Variants in SOBP observed in about 807,000 individuals in gnomAD.
SOBP encodes the protein sine oculis binding protein homolog.
SOBP carries 4 observed loss-of-function variants against 53.6 expected under a neutral mutation model. The ratio of observed to expected loss-of-function variants is 0.07; its 90% CI spans 0.04 to 0.17. SOBP has a LOEUF of 0.17. Ranked by LOEUF, SOBP falls within the 10% of genes least tolerant of loss-of-function variation. The pLI, the probability that SOBP is intolerant of heterozygous loss-of-function variation, is 1.00. For synonymous variants in SOBP, 584 were observed against 522.6 expected, an observed-to-expected ratio of 1.12 and a Z score of -1.60; for missense variants, 1,088 against 1,204.7, an observed-to-expected ratio of 0.90 and a Z score of 1.43.
chr6:107,556,383 C>T (rs1161863408), intron 4 of SOBP, among the ~76,000 whole-genome samples: 1 of 152,180 alleles, frequency 6.6e-6, no homozygotes, highest in Non-Finnish European at 1.5e-5. Flanking sequence ...TTCTGTTATA[C>T]CAGTGCTATA....
At chr6:107,576,324 C>T (rs181592149) in intron 4 of SOBP, among the ~76,000 whole-genome samples, 1 of 152,318 alleles carries the variant, frequency 6.6e-6, no homozygotes, top group East Asian at 1.9e-4. Context: ...TCGTCCTAGG[C>T]TTTCTCCTTC....
chr6:107,615,236 G>A (rs958960365), intron 5 of SOBP, among the ~76,000 whole-genome samples: 3 of 152,224 alleles, frequency 2.0e-5, no homozygotes, highest in African/African-American at 7.2e-5. Flanking sequence ...CATAAACACA[G>A]AGGAAGGAAG....
At chr6:107,556,511 A>G (rs571275370) in intron 4 of SOBP, among the ~76,000 whole-genome samples, 1 of 152,226 alleles carries the variant, frequency 6.6e-6, no homozygotes, top group African/African-American at 2.4e-5. Flanking sequence ...CCTGAAACCA[A>G]ATCACTAAAT....
At chr6:107,643,831 T>C (rs941337353) in intron 6 of SOBP, among the ~76,000 whole-genome samples, 1 of 152,264 alleles carries the variant, frequency 6.6e-6, no homozygotes, top group Admixed American at 6.5e-5. Flanking sequence ...TGCTGCAGCA[T>C]GCATTCACAT....
chr6:107,602,524 C>T (rs1786216426), intron 5 of SOBP, among the ~76,000 whole-genome samples: 1 of 141,776 alleles, frequency 7.1e-6, no homozygotes, highest in African/African-American at 2.7e-5. Flanking sequence ...GGAACTGATC[C>T]CCATGCAGGA....
chr6:107,639,807 C>T (rs1428833175), intron 6 of SOBP, among the ~76,000 whole-genome samples: 1 of 152,146 alleles, frequency 6.6e-6, no homozygotes, highest in Non-Finnish European at 1.5e-5. Flanking sequence ...CCTCAGTTTT[C>T]CAGGGAAATG....
At chr6:107,508,586 G>GAAAAAAAAAA (rs201183925) in intron 3 of SOBP, among the ~76,000 whole-genome samples, 1 of 145,954 alleles carries the variant, frequency 6.9e-6, no homozygotes, top group African/African-American at 2.5e-5. Context: ...CTCAAAAAAA[G>GAAAAAAAAAA]AAAAAAAAAA....
At chr6:107,539,467 A>C (rs1784092210) in intron 4 of SOBP, among the ~76,000 whole-genome samples, 1 of 152,180 alleles carries the variant, frequency 6.6e-6, no homozygotes, top group South Asian at 2.1e-4. Context: ...GACATAGTAC[A>C]TCTCTGGCCA....
At chr6:107,490,865 G>A (rs1180941031) in intron 1 of SOBP, among the ~76,000 whole-genome samples, 153 bp downstream of exon 1, 2 of 152,052 alleles carry the variant, frequency 1.3e-5, no homozygotes, top group African/African-American at 2.4e-5. Context: ...GTGTAAAGCA[G>A]AGGCCAACTC....
At chr6:107,594,334 A>T (rs1279326192) in intron 5 of SOBP, among the ~76,000 whole-genome samples, 1 of 152,198 alleles carries the variant, frequency 6.6e-6, no homozygotes, top group Non-Finnish European at 1.5e-5. Flanking sequence ...CTTGCTTTCC[A>T]GTACATCATA....
At chr6:107,599,212 C>CTG (rs907215750) in intron 5 of SOBP, among the ~76,000 whole-genome samples, 31 of 152,196 alleles carry the variant, frequency 2.0e-4, no homozygotes, top group African/African-American at 7.0e-4. Context: ...GAAAGAATAA[C>CTG]TGTGTGTGCC....
intron 5 of SOBP, among the ~76,000 whole-genome samples, chr6:107,589,840 CATGCGCACACACGTGCACA>C (rs1785686959): frequency 6.6e-6 from 1 of 152,222 alleles, no homozygotes; most frequent in African/African-American, 2.4e-5. Flanking sequence ...CACTTGCAGG[CATGCGCACACACGTGCACA>C]CACACACACA....
chr6:107,582,119 A>G (rs979576085), intron 4 of SOBP, among the ~76,000 whole-genome samples: 5 of 152,224 alleles, frequency 3.3e-5, no homozygotes, highest in African/African-American at 1.2e-4. Context: ...TTAAATGGCA[A>G]TATTGTTAAC....
At chr6:107,583,077 G>A (rs1490213546) in intron 4 of SOBP, among the ~76,000 whole-genome samples, 1 of 152,212 alleles carries the variant, frequency 6.6e-6, no homozygotes, top group Non-Finnish European at 1.5e-5. Flanking sequence ...GGCAGATGTA[G>A]AATAAACCTC....
chr6:107,564,957 C>T (rs1784874436), intron 4 of SOBP, among the ~76,000 whole-genome samples: 1 of 152,226 alleles, frequency 6.6e-6, no homozygotes, highest in South Asian at 2.1e-4. Flanking sequence ...AAGAAAACAG[C>T]ATCACTGCCT....
At chr6:107,494,462 C>T (rs1782651252) in intron 1 of SOBP, among the ~76,000 whole-genome samples, 2 of 152,162 alleles carry the variant, frequency 1.3e-5, no homozygotes, top group Non-Finnish European at 1.5e-5. Context: ...ATTTTGTGCA[C>T]ATAGATCTTT....
chr6:107,590,046 A>G, intron 5 of SOBP, among the ~76,000 whole-genome samples: 1 of 152,224 alleles, frequency 6.6e-6, no homozygotes. Flanking sequence ...TGGTCCCTTT[A>G]TCATTACTGC....
intron 5 of SOBP, among the ~76,000 whole-genome samples, chr6:107,619,065 A>C (rs1460669628): frequency 6.6e-6 from 1 of 152,168 alleles, no homozygotes; most frequent in Non-Finnish European, 1.5e-5. Context: ...GCCTGTTAAC[A>C]TGCGGAGGGG....
chr6:107,533,659 A>G, intron 4 of SOBP, 49 bp downstream of exon 4: 2 of 1,611,860 alleles, frequency 1.2e-6, no homozygotes, highest in South Asian at 1.1e-5. Context: ...TCACCAGCCC[A>G]CACGCGCATG....
Sources: allele counts gnomAD v4.1 joint callset (sites outside exome capture counted in the v4.1 genomes callset), GRCh38; gene constraint gnomAD v4.1.1; transcripts MANE v1.5; gene names NCBI Gene and HGNC (gene_info 2026-07-23, HGNC 2026-07-21).